The following PTPRO variants were observed in gnomAD, a reference collection of about 807,000 sequenced individuals.
PTPRO encodes the protein receptor-type tyrosine-protein phosphatase O.
A neutral mutation model predicts 145.2 loss-of-function variants in PTPRO; 62 were observed. That is an observed-to-expected ratio of 0.43 (90% CI 0.35 to 0.53). The LOEUF (loss-of-function observed/expected upper bound fraction) is 0.53, where lower values mean the gene tolerates loss of function less well. PTPRO is among the 20% of genes least tolerant of loss of function. The pLI is 0.01. For missense variants in PTPRO, 1,345 were observed against 1,482.7 expected (o/e 0.91, Z 1.53); for synonymous variants, 565 against 514.7 (o/e 1.10, Z -1.32).
At chr12:15,450,041 A>G (rs1418588599) in intron 1 of PTPRO, among the ~76,000 whole-genome samples, 3 of 152,262 alleles carry the variant, frequency 2.0e-5, no homozygotes, top group Admixed American at 6.5e-5. Flanking sequence ...TTGCTTTTTC[A>G]GTTCCCTTCT....
intron 1 of PTPRO, among the ~76,000 whole-genome samples, chr12:15,334,241 C>T (rs780314519): frequency 6.6e-6 from 1 of 152,028 alleles, no homozygotes; most frequent in Non-Finnish European, 1.5e-5. Context: ...ACATAGATAC[C>T]TCACGGAAAT....
chr12:15,441,608 G>T (rs1457115598), intron 1 of PTPRO, among the ~76,000 whole-genome samples: 1 of 151,962 alleles, frequency 6.6e-6, no homozygotes, highest in Non-Finnish European at 1.5e-5. Context: ...CAATACACTA[G>T]ATTAACAAAG....
At chr12:15,359,143 G>C (rs191855101) in intron 1 of PTPRO, among the ~76,000 whole-genome samples, 117 of 152,258 alleles carry the variant, frequency 7.7e-4, no homozygotes, top group African/African-American at 2.8e-3. Flanking sequence ...TTTTCCAGAT[G>C]ATCAGACCTG....
At chr12:15,565,400 G>C (rs1943871562) in intron 17 of PTPRO, 193 bp from the exon 18 acceptor site, 1 of 493,142 alleles carries the variant, frequency 2.0e-6, no homozygotes, top group African/African-American at 1.9e-5. Flanking sequence ...ATCTAGTAGA[G>C]TTTTAAAAAA....
intron 1 of PTPRO, chr12:15,440,265 A>G (rs1940724723): frequency 4.9e-6 from 3 of 608,250 alleles, no homozygotes; most frequent in African/African-American, 3.8e-5. Flanking sequence ...TCTAAGACCT[A>G]CAGCTACCTG....
At chr12:15,464,543 T>C (rs1324127255) in intron 1 of PTPRO, among the ~76,000 whole-genome samples, 1 of 151,584 alleles carries the variant, frequency 6.6e-6, no homozygotes, top group African/African-American at 2.4e-5. Flanking sequence ...TTTTTGTATT[T>C]TTAATAGAGG....
intron 2 of PTPRO, among the ~76,000 whole-genome samples, chr12:15,486,758 C>T (rs558765844): frequency 2.6e-5 from 4 of 151,646 alleles, no homozygotes; most frequent in Non-Finnish European, 2.9e-5. Flanking sequence ...TTTAATCGCT[C>T]AATAGCCATA....
chr12:15,331,962 C>CTTTTTTTTTTTTTTTTTTTTT lies in PTPRO; in HGVS notation c.75+9181_75+9182insTTTTTTTTTTTTTTTTTTTTT, dbSNP rs200334215. Among the ~76,000 whole-genome samples the CTTTTTTTTTTTTTTTTTTTTT allele has an allele frequency of 2.5e-4, 29 of 118,244 alleles. 2 individuals carry two copies. Among genetic ancestry groups the CTTTTTTTTTTTTTTTTTTTTT allele is most frequent in the Non-Finnish European group, 3.2e-4 (18 of 56,642 alleles). 77.6% of individuals were successfully genotyped at this position (118,244 alleles called of 152,430 possible). On this transcript the variant is annotated intron_variant, in intron 1 of 26. Transcript: ENST00000281171. ...GTATCCTTTTTGTTTCTCTTTCTTT[C>CTTTTTTTTTTTTTTTTTTTTT]TTTTTTTTTTTTTTTTTTTTGACAG...
At chr12:15,593,126 C>T (rs1166611429) in intron 25 of PTPRO, among the ~76,000 whole-genome samples, 4 of 152,144 alleles carry the variant, frequency 2.6e-5, no homozygotes, top group Non-Finnish European at 4.4e-5. Context: ...ATTAGGTGTC[C>T]ATGTGTGATG....
intron 1 of PTPRO, among the ~76,000 whole-genome samples, chr12:15,361,152 C>T (rs1346770168): frequency 6.6e-6 from 1 of 151,446 alleles, no homozygotes; most frequent in African/African-American, 2.4e-5. Context: ...AAATTCAGAA[C>T]ATGGGTCGGG....
At chr12:15,438,706 A>C (rs1235079419) in intron 1 of PTPRO, among the ~76,000 whole-genome samples, 1 of 152,130 alleles carries the variant, frequency 6.6e-6, no homozygotes, top group Non-Finnish European at 1.5e-5. Context: ...ATATGGGATT[A>C]TGTAAGAGGA....
At chr12:15,433,154 G>A (rs1002129095) in intron 1 of PTPRO, among the ~76,000 whole-genome samples, 1 of 145,050 alleles carries the variant, frequency 6.9e-6, no homozygotes, top group Non-Finnish European at 1.5e-5. Flanking sequence ...GTCTTTCAGG[G>A]TTTTTACAGT....
intron 1 of PTPRO, among the ~76,000 whole-genome samples, chr12:15,386,299 A>T (rs914708369): frequency 5.3e-5 from 8 of 152,228 alleles, no homozygotes; most frequent in African/African-American, 1.9e-4. Context: ...TAAATAAAGA[A>T]GAAATAAAGA....
At chr12:15,445,615 T>C (rs919627720) in intron 1 of PTPRO, among the ~76,000 whole-genome samples, 9 of 152,172 alleles carry the variant, frequency 5.9e-5, no homozygotes, top group African/African-American at 2.2e-4. Context: ...AAATGTTCTG[T>C]CCCGCTTTGA....
intron 1 of PTPRO, among the ~76,000 whole-genome samples, chr12:15,398,150 A>G (rs373543662): frequency 2.0e-5 from 3 of 152,176 alleles, no homozygotes; most frequent in East Asian, 3.8e-4. Context: ...GTCTGATTTA[A>G]GTGAATGGGA....
chr12:15,411,916 A>G (rs904274444), intron 1 of PTPRO, among the ~76,000 whole-genome samples: 3 of 152,212 alleles, frequency 2.0e-5, no homozygotes, highest in Admixed American at 2.0e-4. Context: ...GACAGTCTGA[A>G]AACATTCTAA....
chr12:15,382,178 T>TATATATA (rs1565597910), intron 1 of PTPRO, among the ~76,000 whole-genome samples: 3 of 133,220 alleles, frequency 2.3e-5, no homozygotes, highest in Admixed American at 7.1e-5. Context: ...ATATATATAT[T>TATATATA]TATATTTATA....
chr12:15,439,868 AC>A, intron 1 of PTPRO: 1 of 638,622 alleles, frequency 1.6e-6, no homozygotes, highest in Non-Finnish European at 2.9e-6. Flanking sequence ...GCAGAAGCAG[AC>A]CCACGTCGGC....
intron 23 of PTPRO, among the ~76,000 whole-genome samples, chr12:15,585,822 T>C (rs896040953): frequency 9.8e-5 from 15 of 152,320 alleles, no homozygotes; most frequent in Admixed American, 2.0e-4. Context: ...GTGGAGAATA[T>C]GTAACTCTTA....
Sources: allele counts gnomAD v4.1 joint callset (sites outside exome capture counted in the v4.1 genomes callset), GRCh38; gene constraint gnomAD v4.1.1; transcripts MANE v1.5; gene names NCBI Gene and HGNC (gene_info 2026-07-23, HGNC 2026-07-21).